The following NACC2 variants were observed in gnomAD, a reference collection of about 807,000 sequenced individuals.
NACC2 encodes nucleus accumbens-associated protein 2.
A neutral mutation model predicts 25.1 loss-of-function variants in NACC2; 8 were observed. The observed-to-expected ratio is 0.32, with a 90% CI of 0.19 to 0.57. NACC2 has a LOEUF of 0.57. Ranked by LOEUF, NACC2 falls within the 20% of genes least tolerant of loss-of-function variation. NACC2 has a pLI of 0.89. For synonymous variants in NACC2, 435 were observed against 294.7 expected (o/e 1.48, Z -4.88); for missense variants, 644 against 650.2 (o/e 0.99, Z 0.10).
chr9:136,071,542 C>CAAAA (rs34087690), intron 1 of NACC2, among the ~76,000 whole-genome samples: 2 of 83,250 alleles, frequency 2.4e-5, no homozygotes, highest in African/African-American at 9.7e-5. Context: ...GACTCCATCT[C>CAAAA]AAAAAAAAAA....
chr9:136,081,771 TG>T (rs1830326986), intron 1 of NACC2, among the ~76,000 whole-genome samples: 1 of 151,958 alleles, frequency 6.6e-6, no homozygotes. Flanking sequence ...AGCTGGCCCC[TG>T]ACCAAGCTCC....
At chr9:136,074,197 TC>T (rs1830231440) in intron 1 of NACC2, among the ~76,000 whole-genome samples, 1 of 151,198 alleles carries the variant, frequency 6.6e-6, no homozygotes, top group Non-Finnish European at 1.5e-5. Flanking sequence ...ATGCCTGTAA[TC>T]CCAGCACTTT....
intron 2 of NACC2, among the ~76,000 whole-genome samples, chr9:136,032,795 G>A (rs1384441541): frequency 6.6e-6 from 1 of 152,120 alleles, no homozygotes; most frequent in Non-Finnish European, 1.5e-5. Flanking sequence ...ACTTTGGGAG[G>A]CTGAGGTGGG....
At chr9:136,072,669 T>C (rs938903274) in intron 1 of NACC2, among the ~76,000 whole-genome samples, 6 of 152,050 alleles carry the variant, frequency 3.9e-5, no homozygotes, top group African/African-American at 1.2e-4. Flanking sequence ...CTGACCAACA[T>C]GGAGAAACCC....
Position 136,011,335 on chromosome 9 carries a change from A to T in NACC2, c.*181T>A. The T allele has an allele frequency of 1.5e-6, 1 of 666,836 alleles. No individual in the cohort carries two copies. The highest frequency in any genetic ancestry group is 6.4e-5 in the South Asian group (1 of 15,628). 41.3% of individuals were successfully genotyped at this position (666,836 alleles called of 1,614,324 possible). On this transcript the variant is annotated 3_prime_UTR_variant, in exon 6 of 6. Coordinates refer to ENST00000277554, the MANE Select transcript of NACC2 (RefSeq NM_144653.5). ...GAGGCTGCCAGTGGCCTAATTGTTT[A>T]CAGTATAATGAATGCATTTGTTTCC...
chr9:136,036,445 T>C (rs977467574), intron 2 of NACC2, among the ~76,000 whole-genome samples: 4 of 152,196 alleles, frequency 2.6e-5, no homozygotes, highest in African/African-American at 9.6e-5. Context: ...GACAAAATGC[T>C]AGCATTAGCT....
chr9:136,060,491 G>GCCCAGGC (rs1668055751), intron 1 of NACC2, among the ~76,000 whole-genome samples: 1 of 152,250 alleles, frequency 6.6e-6, no homozygotes. Flanking sequence ...ACAGGGCCAG[G>GCCCAGGC]CCCAGGCCCC....
Position 136,020,427 on chromosome 9 carries a change from C to T in NACC2, c.887-3998G>A, listed in dbSNP as rs559409393. On this transcript the variant is annotated intron_variant, in intron 2 of 5. Coordinates refer to ENST00000277554, the MANE Select transcript of NACC2 (RefSeq NM_144653.5). The surrounding 1 kb of genome is among the most constrained non-coding windows in gnomAD (Gnocchi z 4.7). ...AAGGCAGAGTGTGTCATCGGGGACT[C>T]GCCCAGGTGACACCATCAGAGACCA... Among the ~76,000 whole-genome samples, 1 of 152,090 alleles carries T rather than the reference C, an allele frequency of 6.6e-6. No homozygotes were observed. The highest frequency in any genetic ancestry group is 2.4e-5 in the African/African-American group (1 of 41,502).
rs1840802161 is a variant in NACC2 at position 136,050,312 on chromosome 9, G to A, written c.210C>T (p.Pro70=). ...GGAAGCAGGCGGGCGGCACGGAGCC[G>A]GGCAGCTCGAAGGCGCTCTTGCTGT... ...SGNSKSAFEL[P]GSVPPACFQQ... is the part of the protein sequence containing the mutation. The change falls in exon 2 of 6, where the codon CCC becomes CCT. Residue 70 remains proline (P), a synonymous_variant. Coordinates refer to ENST00000277554, the MANE Select transcript of NACC2 (RefSeq NM_144653.5). 8 of 740,744 alleles carry A rather than the reference G, an allele frequency of 1.1e-5. No homozygotes were observed. The highest frequency in any genetic ancestry group is 4.2e-5 in the South Asian group (3 of 70,734). The allele number at this position is 740,744 out of a possible 1,614,324, so 45.9% of individuals were successfully genotyped here.
rs1013369047 is a variant in NACC2 at position 136,009,546 on chromosome 9, T to G, written c.*1970A>C. The G allele has an allele frequency of 2.6e-5, 4 of 152,238 alleles. No individual in the cohort carries two copies. Among genetic ancestry groups the G allele is most frequent in the African/African-American group, 9.7e-5 (4 of 41,418 alleles). The allele number at this position is 152,238 out of a possible 1,614,324, so 9.4% of individuals were successfully genotyped here. ...CCACCTCCTTCTGGAAAGCAACGTA[T>G]TTTTCTGGAGGGCAGGCATGTGCTG... is the stretch of plus-strand genomic sequence containing the variant. On this transcript the variant is annotated 3_prime_UTR_variant, in exon 6 of 6. Coordinates refer to ENST00000277554, the MANE Select transcript of NACC2 (RefSeq NM_144653.5).
At chr9:136,024,073 G>A (rs887698886) in intron 2 of NACC2, among the ~76,000 whole-genome samples, 1 of 151,960 alleles carries the variant, frequency 6.6e-6, no homozygotes, top group African/African-American at 2.4e-5. Context: ...TGTGAGGCCA[G>A]AGTGTGAGTG....
intron 1 of NACC2, among the ~76,000 whole-genome samples, chr9:136,064,664 A>G (rs1027202389): frequency 2.0e-5 from 3 of 152,214 alleles, no homozygotes; most frequent in Non-Finnish European, 4.4e-5. Flanking sequence ...TACAGACTCA[A>G]TGCAATCTCT....
At chr9:136,079,863 G>T (rs1268268898) in intron 1 of NACC2, among the ~76,000 whole-genome samples, 1 of 152,244 alleles carries the variant, frequency 6.6e-6, no homozygotes, top group Non-Finnish European at 1.5e-5. Context: ...CAAGGCCCCA[G>T]GGGCCAGGCC....
chr9:136,080,176 C>A (rs769265273), intron 1 of NACC2, among the ~76,000 whole-genome samples: 4 of 152,220 alleles, frequency 2.6e-5, no homozygotes, highest in Non-Finnish European at 5.9e-5. Context: ...CCTGGCAGGG[C>A]CCTGTAGCCA....
chr9:136,082,077 T>C (rs1330317672), intron 1 of NACC2, among the ~76,000 whole-genome samples: 2 of 151,934 alleles, frequency 1.3e-5, no homozygotes, highest in Non-Finnish European at 2.9e-5. Context: ...CACCAGCCAT[T>C]CTCCAAAGAC....
chr9:136,078,891 A>G (rs1463967385), intron 1 of NACC2, among the ~76,000 whole-genome samples: 1 of 152,208 alleles, frequency 6.6e-6, no homozygotes, highest in East Asian at 1.9e-4. Flanking sequence ...AAGCAGGGGA[A>G]GCCAAGGCAA....
rs564721695 is a variant in NACC2 at position 136,020,882 on chromosome 9, C to G, written c.887-4453G>C. Among the ~76,000 whole-genome samples, 1 of 152,298 alleles carries G rather than the reference C, an allele frequency of 6.6e-6. No individual in the cohort carries two copies. The highest frequency in any genetic ancestry group is 1.9e-4 in the East Asian group (1 of 5,182). On this transcript the variant is annotated intron_variant, in intron 2 of 5. Coordinates refer to ENST00000277554, the MANE Select transcript of NACC2 (RefSeq NM_144653.5). This position sits in a 1 kb window ranked among gnomAD's most constrained non-coding sequence, Gnocchi z 4.7. ...GCCTTCACAAATGGGGCTTGAGCAA[C>G]TGGCCATCCGCACCCACACGTGGCA...
intron 2 of NACC2, among the ~76,000 whole-genome samples, chr9:136,031,484 T>C (rs934994739): frequency 5.3e-5 from 8 of 152,248 alleles, no homozygotes; most frequent in Middle Eastern, 3.4e-3. Flanking sequence ...ATTACAGGTG[T>C]GCGCCACCAC....
chr9:136,055,689 A>G lies in NACC2; in HGVS notation c.-59-5109T>C, dbSNP rs774877231. On this transcript the variant is annotated intron_variant, in intron 1 of 5. Transcript: ENST00000277554. The surrounding 1 kb of genome is among the most constrained non-coding windows in gnomAD (Gnocchi z 4.9). ...TTATCTTGCAGGATTTAATTTCACC[A>G]ATCTAATAAGAGGTTCTGGACCTCA... 1.3e-5 allele frequency among the ~76,000 whole-genome samples: 2 copies of G among 152,296 alleles called. No individual in the cohort carries two copies. Among genetic ancestry groups the G allele is most frequent in the South Asian group, 4.1e-4 (2 of 4,822 alleles).
Sources: gnomAD v4.1 joint callset for allele counts (sites outside exome capture counted in the v4.1 genomes callset) on GRCh38, gnomAD v4.1.1 for gene constraint, Gnocchi (gnomAD v3.1) non-coding constraint, MANE v1.5 for transcripts, NCBI Gene and HGNC (gene_info 2026-07-23, HGNC 2026-07-21) for gene names.